ELMOD1: variants seen among roughly 807,000 people sequenced by gnomAD.
The protein encoded by ELMOD1 is ELMO domain containing 1.
ELMOD1 carries 21 observed loss-of-function variants against 46.7 expected under a neutral mutation model. The observed-to-expected ratio is 0.45, with a 90% CI of 0.32 to 0.65. ELMOD1 has a LOEUF of 0.65. ELMOD1 is among the 30% of genes least tolerant of loss of function. The probability of loss-of-function intolerance (pLI) is 0.04; values close to 1 mark genes in which losing one functional copy is unlikely to be tolerated. For synonymous variants in ELMOD1, 122 were observed against 138.2 expected (o/e 0.88, Z 0.82); for missense variants, 348 against 407.8 (o/e 0.85, Z 1.26).
chr11:107,639,066 C>T (rs1866277414), intron 6 of ELMOD1, among the ~76,000 whole-genome samples: 1 of 152,176 alleles, frequency 6.6e-6, no homozygotes, highest in Non-Finnish European at 1.5e-5. Flanking sequence ...AGGAGGATCA[C>T]TTGTGCCCAG....
At chr11:107,595,194 T>C (rs1394053190) in intron 1 of ELMOD1, among the ~76,000 whole-genome samples, 2 of 151,750 alleles carry the variant, frequency 1.3e-5, no homozygotes, top group African/African-American at 4.8e-5. Flanking sequence ...GAGCCTCATG[T>C]GTTTGAGTGT....
chr11:107,592,707 C>A, intron 1 of ELMOD1: 1 of 227,582 alleles, frequency 4.4e-6, no homozygotes, highest in Non-Finnish European at 9.0e-6. Context: ...AAATAAATGT[C>A]TTCTCTGTAA....
chr11:107,662,134 A>C (rs895971012), intron 11 of ELMOD1, among the ~76,000 whole-genome samples: 12 of 152,098 alleles, frequency 7.9e-5, no homozygotes, highest in African/African-American at 2.9e-4. Context: ...ATGAGGAAGA[A>C]CCTTTATTTG....
intron 2 of ELMOD1, chr11:107,620,110 C>T (rs1256035326): frequency 6.6e-6 from 1 of 152,258 alleles, no homozygotes; most frequent in Non-Finnish European, 1.5e-5. Context: ...TAAGCAAAGC[C>T]TGAATGAATC....
intron 1 of ELMOD1, among the ~76,000 whole-genome samples, chr11:107,610,927 T>C (rs1865766147): frequency 6.9e-6 from 1 of 144,746 alleles, no homozygotes; most frequent in Non-Finnish European, 1.5e-5. Context: ...GAACCCAACC[T>C]ATCACTATCT....
intron 11 of ELMOD1, among the ~76,000 whole-genome samples, chr11:107,660,654 T>G (rs1041522185): frequency 6.6e-6 from 1 of 152,184 alleles, no homozygotes; most frequent in East Asian, 1.9e-4. Context: ...TACCTGTTAT[T>G]GTAGACCATT....
rs191218296 is a variant in ELMOD1 at position 107,652,656 on chromosome 11, A to G, written c.648-1516A>G. On this transcript the variant is annotated intron_variant, in intron 9 of 11. Transcript: ENST00000265840. ...ATACCTTATTTTAGTTTGGATATGA[A>G]TCTTTAAGGTAAAAAAATCTCCTGA... is the stretch of plus-strand genomic sequence containing the variant. Among the ~76,000 whole-genome samples, 540 of 152,296 alleles carry G rather than the reference A, an allele frequency of 3.5e-3. 3 individuals are homozygous for G. Among genetic ancestry groups the G allele is most frequent in the Non-Finnish European group, 3.7e-3 (250 of 68,014 alleles).
intron 2 of ELMOD1, among the ~76,000 whole-genome samples, chr11:107,622,531 C>T (rs1467508616): frequency 2.0e-5 from 3 of 152,202 alleles, no homozygotes; most frequent in African/African-American, 7.2e-5. Context: ...ACATCTAGTC[C>T]AATCCCTTCA....
chr11:107,616,286 G>C (rs1461988385), intron 1 of ELMOD1, among the ~76,000 whole-genome samples: 1 of 151,934 alleles, frequency 6.6e-6, no homozygotes, highest in Non-Finnish European at 1.5e-5. Flanking sequence ...GTGAGCCACT[G>C]TGCCCAGCCC....
chr11:107,592,052 G>C, intron 1 of ELMOD1: 1 of 470,848 alleles, frequency 2.1e-6, no homozygotes, highest in South Asian at 1.7e-5. Flanking sequence ...TGACGGGGCT[G>C]TTAAAAGCAG....
At chr11:107,606,767 G>A (rs555087824) in intron 1 of ELMOD1, among the ~76,000 whole-genome samples, 5 of 152,054 alleles carry the variant, frequency 3.3e-5, no homozygotes, top group East Asian at 1.9e-4. Flanking sequence ...CCCAGGAGGC[G>A]GAGATTGCAC....
At chr11:107,639,803 G>A (rs673473) in intron 6 of ELMOD1, among the ~76,000 whole-genome samples, 122,066 of 151,912 alleles carry the variant, frequency 0.8, 49,784 homozygotes, top group African/African-American at 0.95. Flanking sequence ...TGGCTTTGTA[G>A]TAACTACTCC....
chr11:107,647,505 C>A lies in ELMOD1; in HGVS notation c.458C>A (p.Ser153Tyr). 2 of 1,613,094 alleles carry A rather than the reference C, an allele frequency of 1.2e-6. No individual in the cohort carries two copies. Among genetic ancestry groups the A allele is most frequent in the Non-Finnish European group, 1.7e-6 (2 of 1,179,546 alleles). ...KFLKPNTPLE[S>Y]RISKQWCEIG... ...TTGAAGCCCAATACTCCACTGGAATCTCGGATTTCTAAGCAGTGGTGTGAA... is the reference window on the plus strand; with the variant it reads ...TTGAAGCCCAATACTCCACTGGAATATCGGATTTCTAAGCAGTGGTGTGAA... Residue 153 changes from serine (S) to tyrosine (Y), a missense_variant, in exon 7 of 12, where the codon TCT (serine) becomes TAT (tyrosine). Transcript: ENST00000265840.
chr11:107,595,851 G>A (rs1466746987), intron 1 of ELMOD1, among the ~76,000 whole-genome samples: 1 of 152,032 alleles, frequency 6.6e-6, no homozygotes, highest in Non-Finnish European at 1.5e-5. Context: ...GTGTTTCTAT[G>A]GTTCCAAGGG....
At chr11:107,646,539 A>T (rs1866428962) in intron 6 of ELMOD1, among the ~76,000 whole-genome samples, 1 of 152,080 alleles carries the variant, frequency 6.6e-6, no homozygotes, top group African/African-American at 2.4e-5. Flanking sequence ...GTTTGAGACA[A>T]GCCTGGCCGA....
intron 1 of ELMOD1, among the ~76,000 whole-genome samples, chr11:107,594,349 A>C (rs1161148679): frequency 6.6e-6 from 1 of 152,134 alleles, no homozygotes; most frequent in Admixed American, 6.5e-5. Flanking sequence ...TGATAGCCTC[A>C]GTGAGAGGAC....
In ELMOD1 at chr11:107,599,752, G is replaced by GA. The variant is rs796354841; in HGVS notation, c.-86+8350dup. ...GCGAGACCTGTCTCAAAAAAAAAAA[G>GA]AAAAAAAGAAAAGAAAAAAAAAAAA... On this transcript the variant is annotated intron_variant, in intron 1 of 11. Transcript: ENST00000265840. Among the ~76,000 whole-genome samples, 3 of 55,332 alleles carry GA rather than the reference G, an allele frequency of 5.4e-5. No homozygotes were observed. In the Admixed American group the frequency reaches 6.1e-4, roughly 11 times the overall value. The allele number at this position is 55,332 out of a possible 152,430, so 36.3% of individuals were successfully genotyped here.
At chr11:107,625,831 T>A (rs1313485019) in intron 2 of ELMOD1, among the ~76,000 whole-genome samples, 1 of 152,230 alleles carries the variant, frequency 6.6e-6, no homozygotes, top group Non-Finnish European at 1.5e-5. Flanking sequence ...TAAAAGGCAG[T>A]AACAGAAAAG....
intron 6 of ELMOD1, among the ~76,000 whole-genome samples, chr11:107,645,393 G>A (rs1392028862): frequency 6.6e-6 from 1 of 151,826 alleles, no homozygotes; most frequent in Admixed American, 6.6e-5. Context: ...GTGCTATCTC[G>A]ACTCACTGCA....
Sources: allele counts gnomAD v4.1 joint callset (sites outside exome capture counted in the v4.1 genomes callset), GRCh38; gene constraint gnomAD v4.1.1; transcripts MANE v1.5; gene names NCBI Gene and HGNC (gene_info 2026-07-23, HGNC 2026-07-21).